Variants in NKAIN3 observed in about 807,000 individuals in gnomAD.
NKAIN3 encodes the protein sodium/potassium-transporting ATPase subunit beta-1-interacting protein 3.
In NKAIN3, 25 loss-of-function variants were observed where a neutral mutation model predicts 30.2. That is an observed-to-expected ratio of 0.83 (90% confidence interval 0.60 to 1.16). The LOEUF (loss-of-function observed/expected upper bound fraction) is 1.16, where lower values mean the gene tolerates loss of function less well. NKAIN3 is among the 50% of genes most tolerant of loss of function. The pLI, the probability that NKAIN3 is intolerant of heterozygous loss-of-function variation, is 0.00. For missense variants in NKAIN3, 225 were observed against 254.1 expected (o/e 0.89, Z 0.78); for synonymous variants, 91 against 89.6 (o/e 1.02, Z -0.09).
At chr8:62,404,078 T>G (rs1267032361) in intron 1 of NKAIN3, among the ~76,000 whole-genome samples, 1 of 152,242 alleles carries the variant, frequency 6.6e-6, no homozygotes, top group Non-Finnish European at 1.5e-5. Context: ...TGTTTTGGAC[T>G]CACATGGGGC....
At chr8:62,918,326 AAG>A (rs1245148217) in intron 4 of NKAIN3, 125 bp from the exon 5 acceptor site, 11 of 703,672 alleles carry the variant, frequency 1.6e-5, no homozygotes, top group African/African-American at 7.3e-5. Flanking sequence ...ATCATTTTAA[AAG>A]AGTTTTTCCA....
chr8:62,262,710 A>C (rs1812482616), intron 1 of NKAIN3, among the ~76,000 whole-genome samples: 1 of 152,052 alleles, frequency 6.6e-6, no homozygotes, highest in South Asian at 2.1e-4. Flanking sequence ...GTCCTTAGGG[A>C]TGTGCTCTTC....
At position 62,345,502 on chromosome 8, in the gene NKAIN3, TACAC is replaced by T. The variant is rs371012719; in HGVS notation, c.54+96377_54+96380del. 9.2e-4 allele frequency among the ~76,000 whole-genome samples: 19 copies of T among 20,692 alleles called. 1 individual carries two copies. The highest frequency in any genetic ancestry group is 1.3e-3 in the Non-Finnish European group (13 of 9,912). The allele number at this position is 20,692 out of a possible 152,430, so 13.6% of individuals were successfully genotyped here. On this transcript the variant is annotated intron_variant, in intron 1 of 6. Transcript: ENST00000623646. ...ATATATGTATATATACACACATATA[TACAC>T]ATATATACACATATATGTATATATA... is the stretch of plus-strand genomic sequence containing the variant.
chr8:62,813,007 T>A (rs949561899), intron 4 of NKAIN3, among the ~76,000 whole-genome samples: 1 of 151,930 alleles, frequency 6.6e-6, no homozygotes, highest in Non-Finnish European at 1.5e-5. Flanking sequence ...AAGTAGTACC[T>A]TTACTAAGTG....
chr8:62,944,785 T>C (rs1026904918), intron 5 of NKAIN3, among the ~76,000 whole-genome samples: 2 of 152,150 alleles, frequency 1.3e-5, no homozygotes, highest in African/African-American at 2.4e-5. Context: ...TAAAATGAAA[T>C]ATTTGTTGGA....
intron 3 of NKAIN3, among the ~76,000 whole-genome samples, chr8:62,736,535 G>A (rs541648103): frequency 2.0e-5 from 3 of 152,086 alleles, no homozygotes; most frequent in Admixed American, 6.5e-5. Flanking sequence ...CCATGTCACC[G>A]TGCCCACGCA....
Position 62,589,643 on chromosome 8 carries a change from G to A in NKAIN3, c.193-71G>A. ...CAGACTTATTGACATTTTTATTATT[G>A]ATTTATTTGATATACATGCCTTTCA... is the stretch of plus-strand genomic sequence containing the variant. On this transcript the variant is annotated intron_variant, in intron 2 of 6. Transcript: ENST00000623646. 6.3e-6 allele frequency: 4 copies of A among 638,532 alleles called. No homozygotes were observed. The South Asian group carries it at 8.6e-5, about 14-fold the overall frequency. 39.6% of individuals were successfully genotyped at this position (638,532 alleles called of 1,614,324 possible).
chr8:62,791,574 G>C (rs1457993117), intron 4 of NKAIN3, among the ~76,000 whole-genome samples: 1 of 152,014 alleles, frequency 6.6e-6, no homozygotes, highest in Non-Finnish European at 1.5e-5. Flanking sequence ...TCAATGTGTA[G>C]ACCAAGACAT....
chr8:62,796,268 C>A (rs1817857374), intron 4 of NKAIN3, among the ~76,000 whole-genome samples: 1 of 150,964 alleles, frequency 6.6e-6, no homozygotes, highest in Non-Finnish European at 1.5e-5. Context: ...CCTGTAATCC[C>A]AGCTACTCCA....
intron 4 of NKAIN3, among the ~76,000 whole-genome samples, chr8:62,782,644 C>T (rs183530617): frequency 1.3e-5 from 2 of 151,286 alleles, no homozygotes; most frequent in East Asian, 3.9e-4. Flanking sequence ...AATTGGAGGT[C>T]ATTAATTTAA....
intron 5 of NKAIN3, among the ~76,000 whole-genome samples, chr8:62,940,150 T>TA (rs34706177): frequency 0.65 from 94,445 of 145,324 alleles, 30,355 homozygotes; most frequent in South Asian, 0.72. Flanking sequence ...CAACAACAGT[T>TA]AAAAAAAAAA....
chr8:62,431,320 G>C (rs1206466432), intron 1 of NKAIN3, among the ~76,000 whole-genome samples: 1 of 151,832 alleles, frequency 6.6e-6, no homozygotes, highest in African/African-American at 2.4e-5. Context: ...TCCTAACAAA[G>C]ACCCAAGATG....
At chr8:62,415,560 A>C (rs1563388800) in intron 1 of NKAIN3, among the ~76,000 whole-genome samples, 1 of 150,618 alleles carries the variant, frequency 6.6e-6, no homozygotes, top group Admixed American at 6.6e-5. Flanking sequence ...CCACTCTTTC[A>C]ACACCTTCAT....
intron 4 of NKAIN3, among the ~76,000 whole-genome samples, chr8:62,836,791 A>C (rs1819379777): frequency 6.6e-6 from 1 of 152,166 alleles, no homozygotes; most frequent in Non-Finnish European, 1.5e-5. Flanking sequence ...TGGCAAGAAC[A>C]AGTGTCCAGA....
chr8:62,817,452 T>C (rs1044415107), intron 4 of NKAIN3, among the ~76,000 whole-genome samples: 1 of 152,164 alleles, frequency 6.6e-6, no homozygotes, highest in Non-Finnish European at 1.5e-5. Context: ...CACCTTCTTC[T>C]GGTCTGGCAT....
chr8:62,480,136 C>A (rs949757018), intron 1 of NKAIN3, among the ~76,000 whole-genome samples: 1 of 152,064 alleles, frequency 6.6e-6, no homozygotes, highest in Non-Finnish European at 1.5e-5. Flanking sequence ...GGTTTGTATT[C>A]TTTGACCAAT....
At chr8:62,908,782 G>A (rs192215858) in intron 4 of NKAIN3, among the ~76,000 whole-genome samples, 1 of 152,252 alleles carries the variant, frequency 6.6e-6, no homozygotes, top group African/African-American at 2.4e-5. Context: ...CCAGTCTTAG[G>A]TATGTCTTTA....
chr8:62,471,792 A>G (rs1806357710), intron 1 of NKAIN3, among the ~76,000 whole-genome samples: 1 of 152,116 alleles, frequency 6.6e-6, no homozygotes, highest in African/African-American at 2.4e-5. Flanking sequence ...AAAATTAAAG[A>G]AAAAGATAGC....
At chr8:62,528,358 T>G (rs1438220450) in intron 1 of NKAIN3, among the ~76,000 whole-genome samples, 1 of 146,084 alleles carries the variant, frequency 6.8e-6, no homozygotes, top group African/African-American at 2.5e-5. Flanking sequence ...TATATATGAC[T>G]TTTGTTGTAG....
Sources: gnomAD v4.1 joint callset for allele counts (sites outside exome capture counted in the v4.1 genomes callset) on GRCh38, gnomAD v4.1.1 for gene constraint, MANE v1.5 for transcripts, NCBI Gene and HGNC (gene_info 2026-07-23, HGNC 2026-07-21) for gene names.